ADCY5: variants seen among roughly 807,000 people sequenced by gnomAD.
ADCY5 encodes the protein adenylate cyclase 5.
A neutral mutation model predicts 119.7 loss-of-function variants in ADCY5; 30 were observed. That is an observed-to-expected ratio of 0.25 (90% confidence interval 0.19 to 0.34). The LOEUF (loss-of-function observed/expected upper bound fraction) is 0.34, where lower values mean the gene tolerates loss of function less well. Ranked by LOEUF, ADCY5 falls within the 10% of genes least tolerant of loss-of-function variation. The pLI, the probability that ADCY5 is intolerant of heterozygous loss-of-function variation, is 1.00. For missense variants in ADCY5, 1,324 were observed against 1,775.2 expected (o/e 0.75, Z 4.57); for synonymous variants, 753 against 762.2 (o/e 0.99, Z 0.20).
rs771319042 is a variant in ADCY5 at position 123,325,428 on chromosome 3, C to T, written c.1982G>A (p.Arg661His). 4 of 1,614,024 alleles carry T rather than the reference C, an allele frequency of 2.5e-6. No individual in the cohort carries two copies. Among genetic ancestry groups the T allele is most frequent in the African/African-American group, 1.3e-5 (1 of 74,922 alleles). The change falls in exon 8 of 21, where the codon CGC (arginine) becomes CAC (histidine). Residue 661 changes from arginine to histidine, a missense_variant. This residue lies in a region of ADCY5 where 424 missense variants were observed against 546.8 expected (regional missense o/e 0.78). Transcript: ENST00000462833. ...GTGCCCGATGGAGTTGGTTCTCTGG[C>T]GGTTCATCTTGGCGATCATGGCCTT... ...EEKAMIAKMN[R>H]QRTNSIGHNP...
chr3:123,340,843 G>A (rs548867883), intron 3 of ADCY5, among the ~76,000 whole-genome samples: 19 of 152,266 alleles, frequency 1.2e-4, no homozygotes, highest in African/African-American at 4.6e-4. Context: ...TGAAAGCACA[G>A]GCCAGGCATG....
chr3:123,351,160 C>A (rs1253625924), intron 2 of ADCY5, among the ~76,000 whole-genome samples: 10 of 152,098 alleles, frequency 6.6e-5, no homozygotes, highest in Admixed American at 5.9e-4. Context: ...CGAGGCAGCG[C>A]TGGAAGGGAA....
intron 1 of ADCY5, among the ~76,000 whole-genome samples, chr3:123,388,412 G>C (rs374111019): frequency 2.0e-5 from 3 of 152,302 alleles, no homozygotes; most frequent in East Asian, 3.9e-4. Context: ...ACAGAGAAGA[G>C]AGGCAGTGGA....
chr3:123,380,441 C>T (rs72626343), intron 1 of ADCY5, among the ~76,000 whole-genome samples: 20,310 of 152,192 alleles, frequency 0.13, 3,480 homozygotes, highest in African/African-American at 0.39. Flanking sequence ...AAACGATGTC[C>T]TACAAAACTG....
chr3:123,354,753 C>T (rs1361411889), intron 1 of ADCY5, among the ~76,000 whole-genome samples: 1 of 152,134 alleles, frequency 6.6e-6, no homozygotes, highest in African/African-American at 2.4e-5. Context: ...AAATACTATA[C>T]AACATGACCA....
In ADCY5 at chr3:123,282,306, A is replaced by C. The variant is rs1938424282; in HGVS notation, c.*2302T>G. Reference sequence around the variant, plus strand: ...TCAGACCAGGACACATTACCAGTGAAAGTGTTTAATAGTTAAATTATTTAA... The same window carrying C: ...TCAGACCAGGACACATTACCAGTGACAGTGTTTAATAGTTAAATTATTTAA... On this transcript the variant is annotated 3_prime_UTR_variant, in exon 21 of 21. Transcript: ENST00000462833. 6.6e-6 allele frequency: 1 copy of C among 152,378 alleles called. No homozygotes were observed. Among genetic ancestry groups the C allele is most frequent in the Admixed American group, 6.5e-5 (1 of 15,292 alleles). The allele number at this position is 152,378 out of a possible 1,614,324, so 9.4% of individuals were successfully genotyped here.
intron 16 of ADCY5, among the ~76,000 whole-genome samples, chr3:123,296,463 T>C (rs1939519358): frequency 1.3e-5 from 2 of 152,196 alleles, no homozygotes; most frequent in Non-Finnish European, 2.9e-5. Context: ...CCTGACGCCT[T>C]ACAACCCCCC....
At chr3:123,336,307 G>C (rs974472267) in intron 3 of ADCY5, among the ~76,000 whole-genome samples, 1 of 152,246 alleles carries the variant, frequency 6.6e-6, no homozygotes, top group South Asian at 2.1e-4. Context: ...CCACTCCATA[G>C]TTGTTCTGGA....
At chr3:123,415,306 G>A (rs1301974270) in intron 1 of ADCY5, among the ~76,000 whole-genome samples, 1 of 152,224 alleles carries the variant, frequency 6.6e-6, no homozygotes, top group African/African-American at 2.4e-5. Context: ...CGGACAGAGG[G>A]TTATCCAGCC....
chr3:123,313,361 CA>C (rs1482709306), intron 12 of ADCY5, among the ~76,000 whole-genome samples: 1 of 152,210 alleles, frequency 6.6e-6, no homozygotes, highest in Admixed American at 6.5e-5. Context: ...GTGCTCACTG[CA>C]GAAGAGGGTG....
At position 123,284,186 on chromosome 3, in the gene ADCY5, C is replaced by A. The variant is rs766415181; in HGVS notation, c.*422G>T. On this transcript the variant is annotated 3_prime_UTR_variant, in exon 21 of 21. Transcript: ENST00000462833. ...TTAAAGGCTCACATAGAAAAGCAGA[C>A]CCCTGGGGCCCCCTAGGCTCTCCCA... 28 of 168,150 alleles carry A rather than the reference C, an allele frequency of 1.7e-4. No individual in the cohort carries two copies. The highest frequency in any genetic ancestry group is 2.2e-4 in the Non-Finnish European group (17 of 77,788). The allele number at this position is 168,150 out of a possible 1,614,324, so 10.4% of individuals were successfully genotyped here.
chr3:123,318,456 C>T (rs1194530817), intron 10 of ADCY5, among the ~76,000 whole-genome samples: 2 of 152,158 alleles, frequency 1.3e-5, no homozygotes, highest in African/African-American at 4.8e-5. Flanking sequence ...CATCATCCAG[C>T]ACCCCCACAA....
chr3:123,431,810 T>G (rs1374572982), intron 1 of ADCY5, among the ~76,000 whole-genome samples: 1 of 152,144 alleles, frequency 6.6e-6, no homozygotes, highest in Non-Finnish European at 1.5e-5. Context: ...CCTTACTGAA[T>G]CACCACAATA....
chr3:123,396,525 G>GAA (rs748976452), intron 1 of ADCY5, among the ~76,000 whole-genome samples: 3 of 113,878 alleles, frequency 2.6e-5, no homozygotes, highest in Non-Finnish European at 5.1e-5. Flanking sequence ...GAAAGAGAGA[G>GAA]AGAAAGAAAA....
intron 8 of ADCY5, among the ~76,000 whole-genome samples, chr3:123,323,925 G>A (rs1276123286): frequency 1.3e-5 from 2 of 152,146 alleles, no homozygotes; most frequent in East Asian, 1.9e-4. Flanking sequence ...AGAGTCTGCA[G>A]GAGACTATCA....
At chr3:123,396,877 G>C (rs779732754) in intron 1 of ADCY5, among the ~76,000 whole-genome samples, 2 of 145,394 alleles carry the variant, frequency 1.4e-5, no homozygotes, top group South Asian at 2.3e-4. Context: ...AGTGGATCAC[G>C]GGCCCTGCTT....
intron 1 of ADCY5, among the ~76,000 whole-genome samples, chr3:123,401,799 G>A (rs1944761052): frequency 6.6e-6 from 1 of 152,124 alleles, no homozygotes; most frequent in African/African-American, 2.4e-5. Flanking sequence ...GTGGCAGGTA[G>A]CTCTTACCGA....
At chr3:123,314,434 C>T (rs1940783352) in intron 11 of ADCY5, 112 bp from the exon 12 acceptor site, 1 of 757,036 alleles carries the variant, frequency 1.3e-6, no homozygotes, top group Non-Finnish European at 2.2e-6. Flanking sequence ...ATCCTCACAG[C>T]TTCAGAGGGC....
intron 1 of ADCY5, among the ~76,000 whole-genome samples, chr3:123,439,722 G>T (rs989336073): frequency 2.0e-5 from 3 of 152,194 alleles, no homozygotes; most frequent in Admixed American, 6.5e-5. Context: ...GACACATTTA[G>T]TGGGAGAGCC....
Sources: gnomAD v4.1 joint callset for allele counts (sites outside exome capture counted in the v4.1 genomes callset) on GRCh38, gnomAD v4.1.1 for gene constraint, gnomAD v4.1.1 regional missense constraint, MANE v1.5 for transcripts, NCBI Gene and HGNC (gene_info 2026-07-23, HGNC 2026-07-21) for gene names.